Variants in CLNS1A observed in about 807,000 individuals in gnomAD.
CLNS1A encodes the protein chloride nucleotide-sensitive channel 1A.
CLNS1A carries 16 observed loss-of-function variants against 29.4 expected under a neutral mutation model. That is an observed-to-expected ratio of 0.54 (90% confidence interval 0.37 to 0.83). The LOEUF (loss-of-function observed/expected upper bound fraction) is 0.83, where lower values mean the gene tolerates loss of function less well. CLNS1A is among the 40% of genes least tolerant of loss of function. The pLI is 0.00. For missense variants in CLNS1A, 235 were observed against 287.4 expected (o/e 0.82, Z 1.32); for synonymous variants, 96 against 104.8 (o/e 0.92, Z 0.51).
At chr11:77,632,335 A>G (rs1959083036) in intron 1 of CLNS1A, among the ~76,000 whole-genome samples, 3 of 152,236 alleles carry the variant, frequency 2.0e-5, no homozygotes, top group African/African-American at 7.2e-5. Context: ...TGGGTGTCCA[A>G]AATAATTTCA....
chr11:77,636,054 G>A (rs1959122005), intron 1 of CLNS1A, among the ~76,000 whole-genome samples: 2 of 151,920 alleles, frequency 1.3e-5, no homozygotes, highest in African/African-American at 2.4e-5. Flanking sequence ...ACTTTCCCAA[G>A]ATACACATTC....
At chr11:77,625,909 T>C in intron 2 of CLNS1A, 91 bp from the exon 3 acceptor site, 2 of 1,084,506 alleles carry the variant, frequency 1.8e-6, no homozygotes, top group South Asian at 3.2e-5. Context: ...CAATTTTAAT[T>C]TCCAATTATG....
Position 77,614,878 on chromosome 11 carries a change from T to C in CLNS1A, c.*1840A>G, listed in dbSNP as rs1434845788. On this transcript the variant is annotated 3_prime_UTR_variant, in exon 7 of 7. Coordinates refer to ENST00000525428, the MANE Select transcript of CLNS1A (RefSeq NM_001293.3). The stretch of plus-strand genomic sequence containing the variant: ...CTGGCTGATCATTATAAATTTTATC[T>C]TTTAAAAGCCTGACCTGCTCTTTTT... The C allele has an allele frequency of 6.6e-6, 1 of 152,204 alleles. No homozygotes were observed. The allele number at this position is 152,204 out of a possible 1,614,324, so 9.4% of individuals were successfully genotyped here. A position where few individuals can be genotyped will look rare whatever the true frequency, so the allele number is the denominator to read the frequency against.
chr11:77,634,336 C>T (rs1232615582), intron 1 of CLNS1A, among the ~76,000 whole-genome samples: 1 of 152,206 alleles, frequency 6.6e-6, no homozygotes, highest in African/African-American at 2.4e-5. Flanking sequence ...CATTCTCCCT[C>T]ACTCCCTCAG....
chr11:77,627,300 G>A (rs539648154), intron 2 of CLNS1A, among the ~76,000 whole-genome samples: 20 of 151,534 alleles, frequency 1.3e-4, no homozygotes, highest in South Asian at 6.3e-4. Flanking sequence ...TTAGCGGGGC[G>A]TGGTGGCGGG....
At chr11:77,622,712 T>A in intron 4 of CLNS1A, 39 bp from the exon 5 acceptor site, 1 of 1,467,228 alleles carries the variant, frequency 6.8e-7, no homozygotes, top group South Asian at 1.4e-5. Flanking sequence ...AATACAACAA[T>A]TAGAAAAAAC....
intron 3 of CLNS1A, 68 bp from the exon 4 acceptor site, chr11:77,625,138 T>C: frequency 1.8e-6 from 2 of 1,097,700 alleles, no homozygotes; most frequent in Non-Finnish European, 2.7e-6. Context: ...TGCAAATAAA[T>C]TTAATGGGTA....
chr11:77,624,814 C>G (rs1958999300), intron 4 of CLNS1A, 149 bp downstream of exon 4: 1 of 527,822 alleles, frequency 1.9e-6, no homozygotes, highest in South Asian at 2.9e-5. Context: ...AGCGAAAACT[C>G]CATCTCAAAA....
At chr11:77,627,586 G>C (rs1362540453) in intron 2 of CLNS1A, among the ~76,000 whole-genome samples, 1 of 152,006 alleles carries the variant, frequency 6.6e-6, no homozygotes, top group Non-Finnish European at 1.5e-5. Flanking sequence ...CAATCATATA[G>C]ATTCTGTATG....
At chr11:77,621,724 T>C (rs1322381254) in intron 5 of CLNS1A, 1 of 266,398 alleles carries the variant, frequency 3.8e-6, no homozygotes, top group Non-Finnish European at 7.6e-6. Flanking sequence ...GGTCAAACAT[T>C]ATTCTAGATG....
chr11:77,625,078 AG>A lies in CLNS1A; in HGVS notation c.365-9del. ...CAGTGAACATTGCCTCCACTGAACA[AG>A]GAAATTAAACTGTAACCAATCTTTT... On this transcript the variant is annotated splice_polypyrimidine_tract_variant and intron_variant, in intron 3 of 6. Coordinates refer to ENST00000525428, the MANE Select transcript of CLNS1A (RefSeq NM_001293.3). 6.3e-7 allele frequency: 1 copy of A among 1,589,710 alleles called. No homozygotes were observed. Among genetic ancestry groups the A allele is most frequent in the South Asian group, 1.1e-5 (1 of 88,280 alleles).
intron 2 of CLNS1A, among the ~76,000 whole-genome samples, chr11:77,626,643 A>G (rs1959022780): frequency 6.6e-6 from 1 of 151,920 alleles, no homozygotes; most frequent in Admixed American, 6.6e-5. Context: ...CATCACAAAA[A>G]AAAAAAATGC....
At chr11:77,630,638 G>C (rs371949286) in intron 1 of CLNS1A, among the ~76,000 whole-genome samples, 1 of 152,126 alleles carries the variant, frequency 6.6e-6, no homozygotes, top group Non-Finnish European at 1.5e-5. Flanking sequence ...GTGGTCAAAT[G>C]CAAATATTTT....
At chr11:77,631,402 G>C (rs1228249809) in intron 1 of CLNS1A, among the ~76,000 whole-genome samples, 1 of 149,922 alleles carries the variant, frequency 6.7e-6, no homozygotes, top group Non-Finnish European at 1.5e-5. Flanking sequence ...CTCGCTGCAA[G>C]CTCCGCCTCT....
chr11:77,634,703 G>A (rs1407732503), intron 1 of CLNS1A, among the ~76,000 whole-genome samples: 11 of 125,100 alleles, frequency 8.8e-5, no homozygotes, highest in Admixed American at 2.0e-4. Flanking sequence ...CAGCCTGGGC[G>A]ACAGAACAAG....
intron 6 of CLNS1A, chr11:77,618,497 A>G (rs1046585447): frequency 6.6e-6 from 1 of 152,232 alleles, no homozygotes; most frequent in Admixed American, 6.5e-5. Context: ...TGGAAATTAA[A>G]ATTAAGTATT....
chr11:77,621,480 C>T (rs985143688), intron 5 of CLNS1A, among the ~76,000 whole-genome samples: 1 of 152,104 alleles, frequency 6.6e-6, no homozygotes, highest in Non-Finnish European at 1.5e-5. Context: ...CTTGTCTCTA[C>T]TAAAAATACA....
intron 1 of CLNS1A, 113 bp downstream of exon 1, chr11:77,637,477 C>A: frequency 7.2e-7 from 1 of 1,387,884 alleles, no homozygotes; most frequent in Non-Finnish European, 9.6e-7. Flanking sequence ...GGCACGAGAC[C>A]CCGCTCCCAG....
At chr11:77,616,857 G>C (rs1958909682) in intron 6 of CLNS1A, among the ~76,000 whole-genome samples, 162 bp from the exon 7 acceptor site, 1 of 152,154 alleles carries the variant, frequency 6.6e-6, no homozygotes, top group African/African-American at 2.4e-5. Flanking sequence ...TTACAGATGG[G>C]GGAAGTGAGG....
Sources: gnomAD v4.1 joint callset for allele counts (sites outside exome capture counted in the v4.1 genomes callset) on GRCh38, gnomAD v4.1.1 for gene constraint, MANE v1.5 for transcripts, NCBI Gene and HGNC (gene_info 2026-07-23, HGNC 2026-07-21) for gene names.